FBXO42: variants seen among roughly 807,000 people sequenced by gnomAD.
FBXO42 encodes F-box protein 42, also known as F-box only protein 42.
A neutral mutation model predicts 71.7 loss-of-function variants in FBXO42; 12 were observed. The observed-to-expected ratio is 0.17, with a 90% CI of 0.11 to 0.27. FBXO42 has a LOEUF of 0.27. Ranked by LOEUF, FBXO42 falls within the 10% of genes least tolerant of loss-of-function variation. The pLI, the probability that FBXO42 is intolerant of heterozygous loss-of-function variation, is 1.00. For synonymous variants in FBXO42, 325 were observed against 327.5 expected, an observed-to-expected ratio of 0.99 and a Z score of 0.08; for missense variants, 707 against 911.9, an observed-to-expected ratio of 0.78 and a Z score of 2.89.
chr1:16,331,788 T>C (rs1000618330), intron 1 of FBXO42, among the ~76,000 whole-genome samples: 4 of 151,950 alleles, frequency 2.6e-5, no homozygotes, highest in African/African-American at 7.3e-5. Flanking sequence ...CGGTGGCTCA[T>C]GCCTGTAATC....
chr1:16,278,126 G>A (rs2081924504), intron 4 of FBXO42, among the ~76,000 whole-genome samples: 1 of 152,136 alleles, frequency 6.6e-6, no homozygotes, highest in Non-Finnish European at 1.5e-5. Flanking sequence ...GGAGGCCGAG[G>A]CGGGCGGATC....
Position 16,252,958 on chromosome 1 carries a change from A to C in FBXO42, c.921+138T>G. ...CAGAAACAAAGGCCAGAAAATACAA[A>C]GGCTATACCCAAAAAGCATTCCTTA... On this transcript the variant is annotated intron_variant, in intron 8 of 9. Coordinates refer to ENST00000375592, the MANE Select transcript of FBXO42 (RefSeq NM_018994.3). This position sits in a 1 kb window ranked among gnomAD's most constrained non-coding sequence, Gnocchi z 4.4. 1 of 646,452 alleles carries C rather than the reference A, an allele frequency of 1.5e-6. No homozygotes were observed. Among genetic ancestry groups the C allele is most frequent in the Non-Finnish European group, 2.5e-6 (1 of 396,738 alleles). The allele number at this position is 646,452 out of a possible 1,614,324, so 40.0% of individuals were successfully genotyped here.
chr1:16,315,539 T>C (rs1382387730), intron 1 of FBXO42, 104 bp from the exon 2 acceptor site: 1 of 1,160,606 alleles, frequency 8.6e-7, no homozygotes, highest in Non-Finnish European at 1.2e-6. Context: ...CCACTCTCAG[T>C]GTGAAATCTG....
At position 16,350,752 on chromosome 1, in the gene FBXO42, A is replaced by AG. The variant is rs1482029191; in HGVS notation, c.-18+1502_-18+1503insC. Among the ~76,000 whole-genome samples, 304 of 131,272 alleles carry AG rather than the reference A, an allele frequency of 2.3e-3. 10 individuals carry two copies. The highest frequency in any genetic ancestry group is 4.1e-3 in the Non-Finnish European group (237 of 57,550). The allele number at this position is 131,272 out of a possible 152,430, so 86.1% of individuals were successfully genotyped here. A position where few individuals can be genotyped will look rare whatever the true frequency, so the allele number is the denominator to read the frequency against. Reference sequence around the variant, plus strand: ...ACAGAGTGAGAAACTGCAAAAAAAAAAAAAAAAAGAAAGAAAGAAAGAAAG... The same window carrying AG: ...ACAGAGTGAGAAACTGCAAAAAAAAAGAAAAAAAAGAAAGAAAGAAAGAAAG... On this transcript the variant is annotated intron_variant, in intron 1 of 9. Transcript: ENST00000375592.
At chr1:16,304,100 C>G (rs1243118552) in intron 3 of FBXO42, among the ~76,000 whole-genome samples, 2 of 147,462 alleles carry the variant, frequency 1.4e-5, no homozygotes, top group Admixed American at 6.9e-5. Flanking sequence ...CCACAGCACC[C>G]AGCCAAATTT....
chr1:16,278,257 G>A (rs1371286435), intron 4 of FBXO42, among the ~76,000 whole-genome samples: 1 of 151,888 alleles, frequency 6.6e-6, no homozygotes, highest in Non-Finnish European at 1.5e-5. Context: ...TCGGGAGGCT[G>A]AGGCAGGAGA....
chr1:16,333,402 C>CAGG (rs1395338384), intron 1 of FBXO42, among the ~76,000 whole-genome samples: 6 of 150,428 alleles, frequency 4.0e-5, no homozygotes, highest in Non-Finnish European at 8.8e-5. Context: ...CGCTTGAGGC[C>CAGG]AGGAGTTCGA....
At chr1:16,274,414 A>T (rs2081876457) in intron 4 of FBXO42, among the ~76,000 whole-genome samples, 1 of 152,032 alleles carries the variant, frequency 6.6e-6, no homozygotes, top group African/African-American at 2.4e-5. Flanking sequence ...TACAGACAGG[A>T]AAGGGGCATG....
intron 1 of FBXO42, among the ~76,000 whole-genome samples, chr1:16,320,710 G>C (rs2082404217): frequency 6.6e-6 from 1 of 151,410 alleles, no homozygotes; most frequent in African/African-American, 2.4e-5. Context: ...CCAGACTGGA[G>C]TGCAGTGGCA....
intron 4 of FBXO42, among the ~76,000 whole-genome samples, chr1:16,270,670 C>A: frequency 5.2e-5 from 2 of 38,118 alleles, no homozygotes; most frequent in African/African-American, 1.4e-4. Context: ...GAGACTCTGT[C>A]TCTCAAAAAA....
At chr1:16,346,646 C>T (rs1233371215) in intron 1 of FBXO42, among the ~76,000 whole-genome samples, 1 of 149,756 alleles carries the variant, frequency 6.7e-6, no homozygotes, top group Non-Finnish European at 1.5e-5. Flanking sequence ...CGAGATTGCG[C>T]CACTGCACTC....
intron 6 of FBXO42, among the ~76,000 whole-genome samples, chr1:16,254,018 T>G (rs1393016027): frequency 2.0e-5 from 3 of 152,198 alleles, no homozygotes; most frequent in Non-Finnish European, 4.4e-5. Flanking sequence ...GTTACTACTG[T>G]CTGAGGAGCT....
chr1:16,327,062 G>A (rs2082458338), intron 1 of FBXO42, among the ~76,000 whole-genome samples: 2 of 152,094 alleles, frequency 1.3e-5, no homozygotes, highest in Admixed American at 6.6e-5. Context: ...CCATTAGAGT[G>A]TACACTACTT....
At chr1:16,269,241 T>A (rs1159536645) in intron 4 of FBXO42, among the ~76,000 whole-genome samples, 1 of 149,286 alleles carries the variant, frequency 6.7e-6, no homozygotes, top group African/African-American at 2.5e-5. Context: ...GCACATGATA[T>A]CATACCCGCC....
At chr1:16,321,670 A>T (rs1354964724) in intron 1 of FBXO42, among the ~76,000 whole-genome samples, 1 of 149,298 alleles carries the variant, frequency 6.7e-6, no homozygotes, top group Non-Finnish European at 1.5e-5. Flanking sequence ...TACTCAGAAC[A>T]CCTTTGTGCT....
At position 16,250,954 on chromosome 1, in the gene FBXO42, G is replaced by A. The variant is rs1444601388; in HGVS notation, c.1870C>T (p.His624Tyr). 1.9e-6 allele frequency: 3 copies of A among 1,614,208 alleles called. No individual in the cohort carries two copies. Among genetic ancestry groups the A allele is most frequent in the South Asian group, 1.1e-5 (1 of 91,088 alleles). The change falls in exon 10 of 10, where the codon CAC becomes TAC. Residue 624 changes from histidine (H) to tyrosine (Y), a missense_variant. His to Tyr is a moderately conservative substitution (Grantham distance 83, BLOSUM62 2). Coordinates refer to ENST00000375592, the MANE Select transcript of FBXO42 (RefSeq NM_018994.3). The surrounding 1 kb of genome is among the most constrained non-coding windows in gnomAD (Gnocchi z 4.7). ...LPPIARRLGHHPPQSLNVGKP... is the reference protein window; with the variant it reads ...LPPIARRLGHYPPQSLNVGKP... ...CCAACATTTAGGGACTGTGGAGGGT[G>A]GTGGCCCAGGCGGCGAGCAATGGGA...
chr1:16,341,668 T>C (rs190910648), intron 1 of FBXO42, among the ~76,000 whole-genome samples: 5 of 150,092 alleles, frequency 3.3e-5, no homozygotes, highest in African/African-American at 1.2e-4. Context: ...TCCCTACTAT[T>C]TGATATTCTT....
At chr1:16,337,266 G>C (rs1371099750) in intron 1 of FBXO42, among the ~76,000 whole-genome samples, 1 of 152,078 alleles carries the variant, frequency 6.6e-6, no homozygotes, top group Admixed American at 6.6e-5. Context: ...TGCCAGCACT[G>C]CCAGTTTGGG....
At chr1:16,302,051 C>G (rs1051304017) in intron 3 of FBXO42, among the ~76,000 whole-genome samples, 1 of 152,082 alleles carries the variant, frequency 6.6e-6, no homozygotes, top group African/African-American at 2.4e-5. Context: ...AGCATGCAGC[C>G]TCTCTCACAC....
Sources: allele counts gnomAD v4.1 joint callset (sites outside exome capture counted in the v4.1 genomes callset), GRCh38; gene constraint gnomAD v4.1.1; non-coding constraint Gnocchi (gnomAD v3.1); transcripts MANE v1.5; gene names NCBI Gene and HGNC (gene_info 2026-07-23, HGNC 2026-07-21).